The following PCDHA2 variants were observed in gnomAD, a reference collection of about 807,000 sequenced individuals.
PCDHA2 encodes the protein protocadherin alpha 2.
Under a neutral mutation model 66.0 loss-of-function variants are expected in PCDHA2, and 58 were observed. That is an observed-to-expected ratio of 0.88 (90% confidence interval 0.71 to 1.09). PCDHA2 has a LOEUF of 1.09. Among genes scored for constraint, PCDHA2 ranks in the 50% least tolerant of loss-of-function variants. The pLI, the probability that PCDHA2 is intolerant of heterozygous loss-of-function variation, is 0.00. For synonymous variants in PCDHA2, 634 were observed against 554.0 expected, an observed-to-expected ratio of 1.14 and a Z score of -2.03; for missense variants, 1,267 against 1,242.3, an observed-to-expected ratio of 1.02 and a Z score of -0.30.
rs543512832 is a variant in PCDHA2 at position 140,899,964 on chromosome 5, T to C, written c.2389-78985T>C. On this transcript the variant is annotated intron_variant, in intron 1 of 3. Coordinates refer to ENST00000526136, the MANE Select transcript of PCDHA2 (RefSeq NM_018905.3). Reference sequence around the variant, plus strand: ...CTGGGACCACAGGCATGTGCTGCCATGCCCAGCTACTTTTTTGATTTTTTT... The same window carrying C: ...CTGGGACCACAGGCATGTGCTGCCACGCCCAGCTACTTTTTTGATTTTTTT... 3.3e-5 allele frequency among the ~76,000 whole-genome samples: 5 copies of C among 151,940 alleles called. No individual in the cohort carries two copies. In the South Asian group the frequency reaches 6.2e-4, roughly 19 times the overall value.
At chr5:140,820,196 T>C (rs1554127803) in intron 1 of PCDHA2, among the ~76,000 whole-genome samples, 26 of 152,084 alleles carry the variant, frequency 1.7e-4, no homozygotes. Flanking sequence ...GATTTGTGTT[T>C]CAACGATCCA....
At chr5:140,828,006 A>G in intron 1 of PCDHA2, 1 of 1,503,668 alleles carries the variant, frequency 6.7e-7, no homozygotes, top group Non-Finnish European at 8.9e-7. Flanking sequence ...GACGCAGAAG[A>G]AATGGATTAA....
At chr5:140,877,500 A>G (rs781878840) in intron 1 of PCDHA2, 80 of 1,613,694 alleles carry the variant, frequency 5.0e-5, no homozygotes, top group Non-Finnish European at 6.6e-5. Flanking sequence ...GCCAGGCCCC[A>G]AAGACGTCGT....
intron 1 of PCDHA2, chr5:140,803,935 T>C (rs1763306574): frequency 2.5e-6 from 1 of 405,890 alleles, no homozygotes. Flanking sequence ...TACTTATCCC[T>C]ATACAATGCT....
intron 3 of PCDHA2, among the ~76,000 whole-genome samples, chr5:140,994,922 G>A (rs184710391): frequency 4.6e-5 from 7 of 152,342 alleles, no homozygotes; most frequent in African/African-American, 9.6e-5. Context: ...ATCAGATTTT[G>A]TAGGACCTTA....
intron 1 of PCDHA2, chr5:140,829,550 A>G: frequency 1.2e-6 from 2 of 1,612,876 alleles, no homozygotes; most frequent in African/African-American, 1.3e-5. Flanking sequence ...CGCGCAGGAG[A>G]ACGCGCTGGT....
At position 140,849,787 on chromosome 5, in the gene PCDHA2, G is replaced by T. The variant is rs1421161535; in HGVS notation, c.2388+52435G>T. 3 of 1,598,342 alleles carry T rather than the reference G, an allele frequency of 1.9e-6. 1 individual carries two copies. In the African/African-American group the frequency reaches 4.0e-5, roughly 21 times the overall value. On this transcript the variant is annotated intron_variant, in intron 1 of 3. Transcript: ENST00000526136. Reference sequence around the variant, plus strand: ...CTGGTGGTTACCGCGCGGGACGGGGGCTCGCCTTCACTGTGGGCCACGGCC... The same window carrying T: ...CTGGTGGTTACCGCGCGGGACGGGGTCTCGCCTTCACTGTGGGCCACGGCC...
intron 2 of PCDHA2, among the ~76,000 whole-genome samples, chr5:140,979,710 A>C (rs1178718053): frequency 1.3e-5 from 2 of 152,268 alleles, no homozygotes; most frequent in African/African-American, 4.8e-5. Flanking sequence ...GAGGTGATCC[A>C]GTATCCATGC....
intron 3 of PCDHA2, among the ~76,000 whole-genome samples, chr5:140,983,623 GA>G (rs1554245569): frequency 6.6e-6 from 1 of 152,202 alleles, no homozygotes; most frequent in African/African-American, 2.4e-5. Flanking sequence ...GAGAGATTAA[GA>G]AATGTACCCA....
At chr5:140,996,795 C>G (rs1554255407) in intron 3 of PCDHA2, among the ~76,000 whole-genome samples, 1 of 152,170 alleles carries the variant, frequency 6.6e-6, no homozygotes, top group East Asian at 1.9e-4. Flanking sequence ...CTCCCTACAT[C>G]CAATCATGCT....
chr5:140,953,476 G>A (rs1554220931), intron 1 of PCDHA2, among the ~76,000 whole-genome samples: 2 of 152,088 alleles, frequency 1.3e-5, no homozygotes. Flanking sequence ...ACTTCCTCAT[G>A]CTGTGTCACA....
chr5:140,958,617 A>C (rs2095434462), intron 1 of PCDHA2, among the ~76,000 whole-genome samples: 1 of 152,204 alleles, frequency 6.6e-6, no homozygotes, highest in Admixed American at 6.5e-5. Flanking sequence ...ATACTAGTCC[A>C]GCTTGAGAGT....
chr5:140,833,524 A>G (rs1772501533), intron 1 of PCDHA2, among the ~76,000 whole-genome samples: 1 of 152,220 alleles, frequency 6.6e-6, no homozygotes, highest in South Asian at 2.1e-4. Context: ...TATTCATAAC[A>G]CACAAGTGTT....
At chr5:140,877,583 T>A (rs782090888) in intron 1 of PCDHA2, 2 of 1,613,816 alleles carry the variant, frequency 1.2e-6, no homozygotes, top group East Asian at 4.5e-5. Context: ...ATCATCGCCA[T>A]CTGTGCGGTG....
chr5:141,006,618 A>G (rs74748321), intron 3 of PCDHA2, among the ~76,000 whole-genome samples: 53 of 152,290 alleles, frequency 3.5e-4, no homozygotes, highest in African/African-American at 1.3e-3. Flanking sequence ...GAATAAGGAG[A>G]CTATTGCTGC....
At chr5:140,988,556 C>G (rs574182013) in intron 3 of PCDHA2, among the ~76,000 whole-genome samples, 2 of 152,158 alleles carry the variant, frequency 1.3e-5, no homozygotes, top group Non-Finnish European at 2.9e-5. Flanking sequence ...TCTTCATCTT[C>G]TTCTTGGGAA....
At chr5:140,825,167 A>G (rs2150138506) in intron 1 of PCDHA2, 1 of 151,640 alleles carries the variant, frequency 6.6e-6, no homozygotes, top group East Asian at 1.9e-4. Flanking sequence ...TGCTTTTTTC[A>G]TTTACTAATG....
rs2150238489 is a variant in PCDHA2 at position 140,835,571 on chromosome 5, G to C, written c.2388+38219G>C. 6 of 1,613,800 alleles carry C rather than the reference G, an allele frequency of 3.7e-6. 1 individual carries two copies. The highest frequency in any genetic ancestry group is 5.1e-6 in the Non-Finnish European group (6 of 1,179,886). On this transcript the variant is annotated intron_variant, in intron 1 of 3. Coordinates refer to ENST00000526136, the MANE Select transcript of PCDHA2 (RefSeq NM_018905.3). ...CCCTGACGCCCCGCGTTCCCTTCAAGTTGGTGTCCACCTTCAAGAATTACT... is the reference window on the plus strand; with the variant it reads ...CCCTGACGCCCCGCGTTCCCTTCAACTTGGTGTCCACCTTCAAGAATTACT...
chr5:141,000,657 A>T (rs1403117310), intron 3 of PCDHA2, among the ~76,000 whole-genome samples: 1 of 151,102 alleles, frequency 6.6e-6, no homozygotes, highest in Non-Finnish European at 1.5e-5. Flanking sequence ...CGAACTCCTG[A>T]CCTCAGGTGA....
Sources: allele counts gnomAD v4.1 joint callset (sites outside exome capture counted in the v4.1 genomes callset), GRCh38; gene constraint gnomAD v4.1.1; transcripts MANE v1.5; gene names NCBI Gene and HGNC (gene_info 2026-07-23, HGNC 2026-07-21).